CSMD1: variants seen among roughly 807,000 people sequenced by gnomAD.
CSMD1 encodes CUB and sushi domain-containing protein 1.
A neutral mutation model predicts 417.5 loss-of-function variants in CSMD1; 213 were observed. That is an observed-to-expected ratio of 0.51 (90% CI 0.46 to 0.57). The LOEUF is 0.57. Ranked by LOEUF, CSMD1 falls within the 20% of genes least tolerant of loss-of-function variation. The pLI, the probability that CSMD1 is intolerant of heterozygous loss-of-function variation, is 0.00. For synonymous variants in CSMD1, 2,862 were observed against 1,736.8 expected, an observed-to-expected ratio of 1.65 and a Z score of -16.11; for missense variants, 6,923 against 4,529.7, an observed-to-expected ratio of 1.53 and a Z score of -15.17.
chr8:2,997,360 G>C (rs946714866), intron 54 of CSMD1, among the ~76,000 whole-genome samples: 1 of 152,222 alleles, frequency 6.6e-6, no homozygotes, highest in Non-Finnish European at 1.5e-5. Context: ...GCTCCCGTGG[G>C]AGCCCTAGGA....
At chr8:3,766,950 C>G (rs933212977) in intron 5 of CSMD1, among the ~76,000 whole-genome samples, 12 of 152,262 alleles carry the variant, frequency 7.9e-5, no homozygotes, top group Admixed American at 7.8e-4. Context: ...GCAACAGATG[C>G]AGCACGGCTA....
At chr8:4,357,933 A>G (rs1474926330) in intron 3 of CSMD1, among the ~76,000 whole-genome samples, 2 of 152,156 alleles carry the variant, frequency 1.3e-5, no homozygotes, top group Non-Finnish European at 2.9e-5. Flanking sequence ...ACTTAATTAA[A>G]AGCCCATTGC....
chr8:3,899,786 C>T (rs1016035855), intron 5 of CSMD1, among the ~76,000 whole-genome samples: 1 of 152,164 alleles, frequency 6.6e-6, no homozygotes, highest in Non-Finnish European at 1.5e-5. Context: ...TTTGACCTGA[C>T]TGGAAGGTGA....
Position 4,409,181 on chromosome 8 carries a change from T to G in CSMD1, c.415+10772A>C, listed in dbSNP as rs1005945075. Among the ~76,000 whole-genome samples the G allele has an allele frequency of 2.0e-5, 3 of 152,296 alleles. No individual in the cohort carries two copies. The East Asian group carries it at 5.8e-4, about 29-fold the overall frequency. On this transcript the variant is annotated intron_variant, in intron 3 of 69. Coordinates refer to ENST00000635120, the MANE Select transcript of CSMD1 (RefSeq NM_033225.6). Reference sequence around the variant, plus strand: ...AAAATGACCTTCAAATGGGAGATTTTTAAAAAATTATCTACAAAATGGAAA... The same window carrying G: ...AAAATGACCTTCAAATGGGAGATTTGTAAAAAATTATCTACAAAATGGAAA...
chr8:3,453,552 C>T lies in CSMD1; in HGVS notation c.1561+15160G>A, dbSNP rs991746503. Among the ~76,000 whole-genome samples, 8 of 152,236 alleles carry T rather than the reference C, an allele frequency of 5.3e-5. No individual in the cohort carries two copies. The East Asian group carries it at 1.4e-3, about 26-fold the overall frequency. ...GTTTCAAAGAACATCTTTATTTCTA[C>T]CTTCATTTCGTTATGTACCAAGTAG... On this transcript the variant is annotated intron_variant, in intron 12 of 69. Transcript: ENST00000635120.
intron 3 of CSMD1, among the ~76,000 whole-genome samples, chr8:4,312,406 T>TACGTATATACGTAC (rs1798669049): frequency 7.7e-6 from 1 of 129,348 alleles, no homozygotes; most frequent in Non-Finnish European, 1.6e-5. Context: ...TACATATATA[T>TACGTATATACGTAC]GCGTGTATAT....
chr8:4,977,845 T>G lies in CSMD1; in HGVS notation c.85+16487A>C, dbSNP rs935019975. Reference sequence around the variant, plus strand: ...AAGTATAGGGCTGGCCTGATAGGAATTGACTAAGCACAGTGGAAGAAGACC... The same window carrying G: ...AAGTATAGGGCTGGCCTGATAGGAAGTGACTAAGCACAGTGGAAGAAGACC... On this transcript the variant is annotated intron_variant, in intron 1 of 69. Transcript: ENST00000635120. Among the ~76,000 whole-genome samples, 7 of 152,222 alleles carry G rather than the reference T, an allele frequency of 4.6e-5. No individual in the cohort carries two copies. The East Asian group carries it at 1.3e-3, about 29-fold the overall frequency.
At chr8:3,396,052 C>G (rs1490769920) in intron 17 of CSMD1, 142 bp downstream of exon 17, 3 of 669,762 alleles carry the variant, frequency 4.5e-6, no homozygotes, top group Non-Finnish European at 7.5e-6. Context: ...AAAGTTCTTA[C>G]AATTGCATAG....
intron 5 of CSMD1, among the ~76,000 whole-genome samples, chr8:3,972,780 C>T (rs1813176290): frequency 6.6e-6 from 1 of 152,184 alleles, no homozygotes; most frequent in African/African-American, 2.4e-5. Flanking sequence ...AATGATCTAG[C>T]ACATTTTAGG....
chr8:3,718,292 C>G (rs1251903181), intron 6 of CSMD1, among the ~76,000 whole-genome samples: 4 of 103,248 alleles, frequency 3.9e-5, no homozygotes, highest in Non-Finnish European at 8.2e-5. Context: ...TCAGGCATTC[C>G]TGCATTTTTT....
intron 6 of CSMD1, among the ~76,000 whole-genome samples, chr8:3,752,167 G>A: frequency 6.6e-6 from 1 of 152,124 alleles, no homozygotes; most frequent in Non-Finnish European, 1.5e-5. Flanking sequence ...GCAGTCACAA[G>A]ATAACGGCAG....
At chr8:3,672,455 C>G (rs1799125898) in intron 7 of CSMD1, among the ~76,000 whole-genome samples, 1 of 152,120 alleles carries the variant, frequency 6.6e-6, no homozygotes, top group Admixed American at 6.5e-5. Context: ...AGCTGACTTT[C>G]AAATGTTCAA....
At chr8:3,521,661 G>A (rs764411602) in intron 10 of CSMD1, among the ~76,000 whole-genome samples, 8 of 152,158 alleles carry the variant, frequency 5.3e-5, no homozygotes, top group Non-Finnish European at 7.3e-5. Flanking sequence ...AACAGTAAAT[G>A]TTATAACTGG....
chr8:3,483,719 A>C (rs1462692826), intron 11 of CSMD1, among the ~76,000 whole-genome samples: 1 of 152,200 alleles, frequency 6.6e-6, no homozygotes, highest in Non-Finnish European at 1.5e-5. Flanking sequence ...TCTTTTATGA[A>C]TGTAGTTGCA....
intron 5 of CSMD1, among the ~76,000 whole-genome samples, chr8:3,988,782 A>G (rs913183455): frequency 1.3e-5 from 2 of 152,236 alleles, no homozygotes. Context: ...AACAATGCTG[A>G]TTATGGTCAA....
At chr8:4,418,514 G>T (rs1318537711) in intron 3 of CSMD1, among the ~76,000 whole-genome samples, 2 of 152,060 alleles carry the variant, frequency 1.3e-5, no homozygotes, top group African/African-American at 2.4e-5. Context: ...ACTTCATCAG[G>T]AGGGGAGAAA....
chr8:3,556,637 G>A (rs553821818), intron 10 of CSMD1, among the ~76,000 whole-genome samples: 2 of 151,622 alleles, frequency 1.3e-5, no homozygotes, highest in African/African-American at 4.8e-5. Flanking sequence ...CGTGGGGGCT[G>A]CCTGTGCCAC....
intron 5 of CSMD1, among the ~76,000 whole-genome samples, chr8:3,877,040 G>A (rs747885515): frequency 6.6e-6 from 1 of 152,158 alleles, no homozygotes; most frequent in Non-Finnish European, 1.5e-5. Context: ...TTCGTATAGT[G>A]TTTTTTTGCC....
intron 5 of CSMD1, among the ~76,000 whole-genome samples, chr8:3,775,559 C>A (rs149013471): frequency 3.0e-4 from 45 of 152,298 alleles, no homozygotes; most frequent in African/African-American, 1.1e-3. Context: ...AAGAGCGCAA[C>A]TTCAAATGAT....
Sources: allele counts gnomAD v4.1 joint callset (sites outside exome capture counted in the v4.1 genomes callset), GRCh38; gene constraint gnomAD v4.1.1; transcripts MANE v1.5; gene names NCBI Gene and HGNC (gene_info 2026-07-23, HGNC 2026-07-21).